STX7: variants seen among roughly 807,000 people sequenced by gnomAD.
STX7 encodes syntaxin 7.
A neutral mutation model predicts 39.6 loss-of-function variants in STX7; 34 were observed. That is an observed-to-expected ratio of 0.86 (90% CI 0.65 to 1.14). The LOEUF is 1.14. STX7 is among the 50% of genes most tolerant of loss of function. The pLI, the probability that STX7 is intolerant of heterozygous loss-of-function variation, is 0.00. For missense variants in STX7, 284 were observed against 310.4 expected (o/e 0.92, Z 0.64); for synonymous variants, 119 against 99.1 (o/e 1.20, Z -1.19).
At chr6:132,483,341 A>T (rs543254371) in intron 2 of STX7, among the ~76,000 whole-genome samples, 1 of 152,284 alleles carries the variant, frequency 6.6e-6, no homozygotes, top group Non-Finnish European at 1.5e-5. Flanking sequence ...TATTTTTAAA[A>T]TTTTTCTGAA....
rs568307118 is a variant in STX7, at chr6:132,480,427, C to T, written c.86-4765G>A. On this transcript the variant is annotated intron_variant, in intron 2 of 9. Coordinates refer to ENST00000367941, the MANE Select transcript of STX7 (RefSeq NM_003569.3). Reference sequence around the variant, plus strand: ...GGAAGTAACAGGTCGAAGTAAAGTCCAATATTTCACGATTACACCTAATTA... The same window carrying T: ...GGAAGTAACAGGTCGAAGTAAAGTCTAATATTTCACGATTACACCTAATTA... Among the ~76,000 whole-genome samples, 18 of 152,204 alleles carry T rather than the reference C, an allele frequency of 1.2e-4. No homozygotes were observed. In the South Asian group the frequency reaches 2.7e-3, roughly 23 times the overall value.
At chr6:132,498,519 A>C (rs1015967729) in intron 2 of STX7, among the ~76,000 whole-genome samples, 3 of 152,210 alleles carry the variant, frequency 2.0e-5, no homozygotes, top group African/African-American at 7.2e-5. Flanking sequence ...ACACTCAAGA[A>C]GACTTTAGCT....
chr6:132,511,125 C>CT (rs1387301607), intron 1 of STX7, among the ~76,000 whole-genome samples: 6 of 152,206 alleles, frequency 3.9e-5, no homozygotes, highest in Non-Finnish European at 8.8e-5. Flanking sequence ...CACTGCCTGG[C>CT]TACATCACAA....
At chr6:132,507,236 C>G (rs929657714) in intron 1 of STX7, among the ~76,000 whole-genome samples, 7 of 152,142 alleles carry the variant, frequency 4.6e-5, no homozygotes, top group Non-Finnish European at 4.4e-5. Context: ...CCAGACTTCA[C>G]GCTATGCAAT....
chr6:132,470,190 T>C, intron 6 of STX7, 143 bp from the exon 7 acceptor site: 1 of 523,790 alleles, frequency 1.9e-6, no homozygotes, highest in East Asian at 3.6e-5. Flanking sequence ...TCTAAGAATA[T>C]AACAGATATA....
intron 2 of STX7, among the ~76,000 whole-genome samples, chr6:132,495,674 C>A (rs1259115236): frequency 6.6e-6 from 1 of 152,024 alleles, no homozygotes; most frequent in Non-Finnish European, 1.5e-5. Context: ...ATATTAGCTT[C>A]CCTTTTGTGC....
At chr6:132,512,749 AGGCCCACC>A (rs771666674) in intron 1 of STX7, among the ~76,000 whole-genome samples, 4 of 152,052 alleles carry the variant, frequency 2.6e-5, no homozygotes, top group Non-Finnish European at 4.4e-5. Flanking sequence ...GTGGCTGGGT[AGGCCCACC>A]TGACCACAGC....
At chr6:132,509,479 T>A (rs1224264850) in intron 1 of STX7, among the ~76,000 whole-genome samples, 48 of 97,518 alleles carry the variant, frequency 4.9e-4, no homozygotes, top group East Asian at 1.3e-3. Flanking sequence ...TAACATAACA[T>A]AACATAACAT....
intron 2 of STX7, among the ~76,000 whole-genome samples, chr6:132,492,072 T>C (rs1478750819): frequency 6.6e-6 from 1 of 152,158 alleles, no homozygotes; most frequent in Non-Finnish European, 1.5e-5. Context: ...AGAGTAAAAG[T>C]CCTTACACCA....
chr6:132,471,137 G>A (rs1774708391), intron 5 of STX7, among the ~76,000 whole-genome samples: 1 of 152,128 alleles, frequency 6.6e-6, no homozygotes. Flanking sequence ...ACACTAGCGT[G>A]TACACAAGCA....
intron 7 of STX7, among the ~76,000 whole-genome samples, chr6:132,469,057 A>G (rs1562323304): frequency 6.6e-6 from 1 of 152,228 alleles, no homozygotes; most frequent in Non-Finnish European, 1.5e-5. Flanking sequence ...TAAAGTTTTT[A>G]TAAGGACTAA....
intron 2 of STX7, among the ~76,000 whole-genome samples, chr6:132,484,345 G>T (rs1166080080): frequency 6.6e-6 from 1 of 152,140 alleles, no homozygotes; most frequent in Non-Finnish European, 1.5e-5. Context: ...TGGGTCTGCT[G>T]CCATCTAGTG....
intron 2 of STX7, among the ~76,000 whole-genome samples, chr6:132,490,599 T>C (rs1314081858): frequency 1.3e-5 from 2 of 151,718 alleles, no homozygotes; most frequent in Non-Finnish European, 2.9e-5. Flanking sequence ...CAACAGAAAA[T>C]AGCAGGTCCT....
chr6:132,472,701 T>C (rs916237851), intron 3 of STX7, among the ~76,000 whole-genome samples: 1 of 152,200 alleles, frequency 6.6e-6, no homozygotes, highest in Non-Finnish European at 1.5e-5. Context: ...TTTGAGATAC[T>C]GGGGATGTGG....
chr6:132,455,037 G>A lies in STX7; in HGVS notation c.*5721C>T, dbSNP rs1262136223. The stretch of plus-strand genomic sequence containing the variant: ...ACCACAGTACCTAGGTTTGAGATAA[G>A]AATGAAATAAAATATATTCCCCATT... On this transcript the variant is annotated 3_prime_UTR_variant, in exon 10 of 10. Coordinates refer to ENST00000367941, the MANE Select transcript of STX7 (RefSeq NM_003569.3). The A allele has an allele frequency of 6.6e-6, 1 of 152,082 alleles. No homozygotes were observed. The highest frequency in any genetic ancestry group is 2.4e-5 in the African/African-American group (1 of 41,434). The allele number at this position is 152,082 out of a possible 1,614,324, so 9.4% of individuals were successfully genotyped here. A position where few individuals can be genotyped will look rare whatever the true frequency, so the allele number is the denominator to read the frequency against.
Position 132,451,909 on chromosome 6 carries a change from T to C in STX7, c.*8849A>G, listed in dbSNP as rs1036805464. 5 of 152,218 alleles carry C rather than the reference T, an allele frequency of 3.3e-5. No homozygotes were observed. The highest frequency in any genetic ancestry group is 7.4e-5 in the Non-Finnish European group (5 of 68,026). The allele number at this position is 152,218 out of a possible 1,614,324, so 9.4% of individuals were successfully genotyped here. On this transcript the variant is annotated 3_prime_UTR_variant, in exon 10 of 10. Transcript: ENST00000367941. Reference sequence around the variant, plus strand: ...CTTTAGAAAACAGAAGAGAAAGGAATACTTTCCAGTTCATTTTGAAGCTAG... The same window carrying C: ...CTTTAGAAAACAGAAGAGAAAGGAACACTTTCCAGTTCATTTTGAAGCTAG...
intron 2 of STX7, among the ~76,000 whole-genome samples, chr6:132,496,162 T>C (rs1775416498): frequency 6.6e-6 from 1 of 152,198 alleles, no homozygotes; most frequent in Non-Finnish European, 1.5e-5. Context: ...GAAACTTCTA[T>C]ACTCATAAAT....
chr6:132,479,522 T>C (rs1310656037), intron 2 of STX7, among the ~76,000 whole-genome samples: 2 of 152,240 alleles, frequency 1.3e-5, no homozygotes, highest in Non-Finnish European at 2.9e-5. Context: ...CTGTTCACCA[T>C]GAATTGTATC....
intron 1 of STX7, among the ~76,000 whole-genome samples, chr6:132,512,738 C>A (rs1246208108): frequency 6.6e-6 from 1 of 152,152 alleles, no homozygotes; most frequent in Admixed American, 6.5e-5. Context: ...GCGGCGGGTG[C>A]GTGGCTGGGT....
Sources: gnomAD v4.1 joint callset for allele counts (sites outside exome capture counted in the v4.1 genomes callset) on GRCh38, gnomAD v4.1.1 for gene constraint, MANE v1.5 for transcripts, NCBI Gene and HGNC (gene_info 2026-07-23, HGNC 2026-07-21) for gene names.